MTA3: variants seen among roughly 807,000 people sequenced by gnomAD.
MTA3 encodes metastasis associated 1 family member 3.
Under a neutral mutation model 83.5 loss-of-function variants are expected in MTA3, and 34 were observed. The ratio of observed to expected loss-of-function variants is 0.41; its 90% CI spans 0.31 to 0.54. The LOEUF (loss-of-function observed/expected upper bound fraction) is 0.54. Ranked by LOEUF, MTA3 falls within the 20% of genes least tolerant of loss-of-function variation. The probability of loss-of-function intolerance (pLI) is 0.33; values close to 1 mark genes in which losing one functional copy is unlikely to be tolerated. For missense variants in MTA3, 761 were observed against 726.4 expected (o/e 1.05, Z -0.55); for synonymous variants, 303 against 252.7 (o/e 1.20, Z -1.89).
chr2:42,600,150 G>T (rs12474864), intron 3 of MTA3, among the ~76,000 whole-genome samples: 1 of 151,940 alleles, frequency 6.6e-6, no homozygotes, highest in Non-Finnish European at 1.5e-5. Context: ...GTGAGCCAAG[G>T]TCGCGCCACT....
At chr2:42,627,757 T>C (rs527416899) in intron 4 of MTA3, among the ~76,000 whole-genome samples, 62 of 142,220 alleles carry the variant, frequency 4.4e-4, no homozygotes, top group Non-Finnish European at 3.8e-4. Flanking sequence ...TTTGTATTTT[T>C]GGTAGAGACA....
intron 2 of MTA3, among the ~76,000 whole-genome samples, chr2:42,537,472 G>A (rs1676297268): frequency 6.6e-6 from 1 of 152,066 alleles, no homozygotes; most frequent in Admixed American, 6.6e-5. Flanking sequence ...GGCTGAGACA[G>A]GAGAATCGCT....
intron 2 of MTA3, among the ~76,000 whole-genome samples, chr2:42,533,790 C>T (rs1425160049): frequency 6.8e-6 from 1 of 146,258 alleles, no homozygotes; most frequent in Non-Finnish European, 1.5e-5. Flanking sequence ...TGAGATCGTG[C>T]CACTGCACTC....
intron 3 of MTA3, among the ~76,000 whole-genome samples, chr2:42,604,052 T>G (rs1045721053): frequency 1.3e-5 from 2 of 148,540 alleles, no homozygotes. Context: ...CCCAGCTCTT[T>G]GTTTTTGAAA....
chr2:42,567,591 T>G (rs1216778220), upstream of MTA3, among the ~76,000 whole-genome samples: 2 of 151,780 alleles, frequency 1.3e-5, no homozygotes, highest in African/African-American at 4.8e-5. Context: ...GACTGGCTTC[T>G]CTAAAGAAAG....
intron 2 of MTA3, among the ~76,000 whole-genome samples, chr2:42,497,337 A>G (rs932285424): frequency 6.6e-6 from 1 of 152,132 alleles, no homozygotes; most frequent in Non-Finnish European, 1.5e-5. Context: ...CTGTAATCCC[A>G]GCACTTTGGG....
Position 42,682,477 on chromosome 2 carries a change from G to A in MTA3, c.779G>A (p.Gly260Glu). The change falls in exon 9 of 17, where the codon GGA becomes GAA. Residue 260 changes from glycine (G) to glutamate (E), a missense_variant. Coordinates refer to ENST00000405094, the MANE Select transcript of MTA3 (RefSeq NM_001330442.2). ...ATTAGTGTCTTAGTACCACTCGGAG[G>A]ACCTGTTTTATGCAGAGATGAAATG... ...SAISVLVPLG[G>E]PVLCRDEMEE... 1.2e-6 allele frequency: 2 copies of A among 1,612,378 alleles called. No individual in the cohort carries two copies. The highest frequency in any genetic ancestry group is 1.7e-6 in the Non-Finnish European group (2 of 1,179,236).
intron 2 of MTA3, among the ~76,000 whole-genome samples, chr2:42,504,618 C>T (rs1056498801): frequency 2.6e-5 from 4 of 151,980 alleles, no homozygotes; most frequent in African/African-American, 9.7e-5. Context: ...CACCATCTCA[C>T]ATCAATGTCC....
rs372864421 is a variant in MTA3 at position 42,735,286 on chromosome 2, C to G, written c.1759+12251C>G. Reference sequence around the variant, plus strand: ...CTTTAGCACTTTAAATATATCGTGACACTCTATTCTGGCCTGTAAGGTTTC... The same window carrying G: ...CTTTAGCACTTTAAATATATCGTGAGACTCTATTCTGGCCTGTAAGGTTTC... On this transcript the variant is annotated intron_variant, in intron 16 of 16. Coordinates refer to ENST00000405094, the MANE Select transcript of MTA3 (RefSeq NM_001330442.2). Among the ~76,000 whole-genome samples, 3 of 151,818 alleles carry G rather than the reference C, an allele frequency of 2.0e-5. No individual in the cohort carries two copies. In the East Asian group the frequency reaches 5.8e-4, roughly 30 times the overall value.
At chr2:42,625,602 C>G (rs1303920374) in intron 4 of MTA3, among the ~76,000 whole-genome samples, 2 of 150,270 alleles carry the variant, frequency 1.3e-5, no homozygotes, top group Non-Finnish European at 2.9e-5. Context: ...AAAAAATTAG[C>G]TGGGCGTGGT....
chr2:42,613,635 A>C (rs1354570104), intron 4 of MTA3: 1 of 152,264 alleles, frequency 6.6e-6, no homozygotes, highest in East Asian at 1.9e-4. Context: ...TCTCAGGGAC[A>C]CTATCAAGTG....
chr2:42,573,465 G>C (rs1323778112), intron 2 of MTA3, among the ~76,000 whole-genome samples: 1 of 152,056 alleles, frequency 6.6e-6, no homozygotes, highest in Non-Finnish European at 1.5e-5. Context: ...TCCTGCCTCA[G>C]CTTTCCAAGT....
chr2:42,611,293 G>C (rs1684180734), intron 4 of MTA3, among the ~76,000 whole-genome samples: 2 of 148,528 alleles, frequency 1.3e-5, no homozygotes, highest in Admixed American at 1.4e-4. Flanking sequence ...GAGGTTTGTA[G>C]ACTTTCTAAA....
At chr2:42,629,729 G>T (rs974850704) in intron 4 of MTA3, among the ~76,000 whole-genome samples, 3 of 152,052 alleles carry the variant, frequency 2.0e-5, no homozygotes, top group Non-Finnish European at 4.4e-5. Flanking sequence ...TTCTGATCTC[G>T]TTCCTCTGTG....
At chr2:42,678,349 AT>A (rs945814997) in intron 8 of MTA3, among the ~76,000 whole-genome samples, 3 of 151,728 alleles carry the variant, frequency 2.0e-5, no homozygotes, top group Non-Finnish European at 2.9e-5. Flanking sequence ...TTATTTATTT[AT>A]TTTTTTTGAC....
intron 3 of MTA3, among the ~76,000 whole-genome samples, chr2:42,589,742 A>G (rs1457291993): frequency 1.3e-5 from 2 of 152,088 alleles, no homozygotes; most frequent in East Asian, 3.8e-4. Context: ...CAGTAGAGAC[A>G]AGTTTCACCA....
At chr2:42,500,553 A>G (rs1294138302) in intron 2 of MTA3, among the ~76,000 whole-genome samples, 1 of 152,128 alleles carries the variant, frequency 6.6e-6, no homozygotes. Flanking sequence ...AGAAACAGAA[A>G]TGAGAGATAC....
intron 16 of MTA3, among the ~76,000 whole-genome samples, chr2:42,724,372 A>G (rs1667666419): frequency 6.8e-6 from 1 of 146,438 alleles, no homozygotes; most frequent in South Asian, 2.2e-4. Context: ...GTTGTGGGCC[A>G]GGTCCAGTGG....
rs1297909775 is a variant in MTA3 at position 42,754,846 on chromosome 2, G to C, written c.*1447G>C. 3.0e-6 allele frequency: 3 copies of C among 985,526 alleles called. No homozygotes were observed. In the East Asian group the frequency reaches 3.4e-4, roughly 112 times the overall value. The allele number at this position is 985,526 out of a possible 1,614,324, so 61.0% of individuals were successfully genotyped here. On this transcript the variant is annotated 3_prime_UTR_variant, in exon 17 of 17. Transcript: ENST00000405094. ...AGATGTCTGTGTCCTCGGAGGCTGA[G>C]CTCCGCTTGGCAGAGAGAGCGTGCT...
Sources: gnomAD v4.1 joint callset for allele counts (sites outside exome capture counted in the v4.1 genomes callset) on GRCh38, gnomAD v4.1.1 for gene constraint, MANE v1.5 for transcripts, NCBI Gene and HGNC (gene_info 2026-07-23, HGNC 2026-07-21) for gene names.